The following PLCG1 variants were observed in gnomAD, a reference collection of about 807,000 sequenced individuals.
PLCG1 encodes the protein 1-phosphatidylinositol 4,5-bisphosphate phosphodiesterase gamma-1.
In PLCG1, 71 loss-of-function variants were observed where a neutral mutation model predicts 177.8. The observed-to-expected ratio is 0.40, with a 90% CI of 0.33 to 0.49. PLCG1 has a LOEUF of 0.49. PLCG1 is among the 20% of genes least tolerant of loss of function. The pLI, the probability that PLCG1 is intolerant of heterozygous loss-of-function variation, is 0.72. For missense variants in PLCG1, 1,281 were observed against 1,709.0 expected (o/e 0.75, Z 4.42); for synonymous variants, 658 against 647.9 (o/e 1.02, Z -0.24).
Position 41,137,605 on chromosome 20 carries a change from C to T in PLCG1, c.-37C>T, listed in dbSNP as rs1251389903. On this transcript the variant is annotated 5_prime_UTR_variant, in exon 1 of 32. Coordinates refer to ENST00000685551, the MANE Select transcript of PLCG1 (RefSeq NM_002660.3). The surrounding 1 kb of genome is among the most constrained non-coding windows in gnomAD (Gnocchi z 7.3). ...GCCGTTGCGCTTGCTCCCGGGCGGTCCTGGCCTGTGCCGCCGCCGCCCCCA... is the reference window on the plus strand; with the variant it reads ...GCCGTTGCGCTTGCTCCCGGGCGGTTCTGGCCTGTGCCGCCGCCGCCCCCA... The T allele has an allele frequency of 3.2e-5, 41 of 1,281,904 alleles. No individual in the cohort carries two copies. Among genetic ancestry groups the T allele is most frequent in the Non-Finnish European group, 4.1e-5 (41 of 1,003,180 alleles). 79.4% of individuals were successfully genotyped at this position (1,281,904 alleles called of 1,614,324 possible). A position where few individuals can be genotyped will look rare whatever the true frequency, so the allele number is the denominator to read the frequency against.
Position 41,174,252 on chromosome 20 carries a change from T to A in PLCG1, c.3774T>A (p.Phe1258Leu). Residue 1258 changes from phenylalanine to leucine, a missense_variant, in exon 31 of 32, where the codon TTT (phenylalanine) becomes TTA (leucine). This residue lies in a region of PLCG1 where 153 missense variants were observed against 153.2 expected (regional missense o/e 1.00). Coordinates refer to ENST00000685551, the MANE Select transcript of PLCG1 (RefSeq NM_002660.3). The surrounding 1 kb of genome is among the most constrained non-coding windows in gnomAD (Gnocchi z 5.8). The part of the protein sequence containing the change: ...GSFESRYQQP[F>L]EDFRISQEHL... ...TTGAATCCCGCTACCAGCAGCCGTT[T>A]GAGGACTTCCGCATCTCCCAGGAGC... 2 of 1,614,190 alleles carry A rather than the reference T, an allele frequency of 1.2e-6. No homozygotes were observed. The highest frequency in any genetic ancestry group is 1.7e-6 in the Non-Finnish European group (2 of 1,180,028).
chr20:41,149,944 A>AGG (rs2035114877), intron 1 of PLCG1, among the ~76,000 whole-genome samples: 1 of 152,224 alleles, frequency 6.6e-6, no homozygotes, highest in Admixed American at 6.5e-5. Context: ...CTGTAATCCC[A>AGG]GCTCTTTGGG....
rs11547263 is a variant in PLCG1, at chr20:41,162,522, C to A, written c.583C>A (p.Arg195=). Residue 195 remains arginine (R), a synonymous_variant, in exon 5 of 32, where the codon CGA becomes AGA. Transcript: ENST00000685551. ...NYRVPNMRFL[R]ERLTDLEQRS... is the part of the protein sequence containing the mutation. ...CCGGGTCCCCAACATGCGCTTCCTC[C>A]GAGAGCGGCTGACGGTAAGTGCCAC... 9 of 1,613,812 alleles carry A rather than the reference C, an allele frequency of 5.6e-6. No homozygotes were observed. The highest frequency in any genetic ancestry group is 5.3e-5 in the African/African-American group (4 of 74,870).
Position 41,164,341 on chromosome 20 carries a change from C to T in PLCG1, c.1217+140C>T. On this transcript the variant is annotated intron_variant, in intron 12 of 31. Coordinates refer to ENST00000685551, the MANE Select transcript of PLCG1 (RefSeq NM_002660.3). This position sits in a 1 kb window ranked among gnomAD's most constrained non-coding sequence, Gnocchi z 6.4. The stretch of plus-strand genomic sequence containing the variant: ...ATCTTTGTCCTTCCTCTTGGCCTCT[C>T]CTCGTCACCTGCTCCCTGCTTGAGC... 1 of 803,138 alleles carries T rather than the reference C, an allele frequency of 1.2e-6. No individual in the cohort carries two copies. Among genetic ancestry groups the T allele is most frequent in the South Asian group, 1.7e-5 (1 of 58,964 alleles). The allele number at this position is 803,138 out of a possible 1,614,324, so 49.8% of individuals were successfully genotyped here. A position where few individuals can be genotyped will look rare whatever the true frequency, so the allele number is the denominator to read the frequency against.
At position 41,164,288 on chromosome 20, in the gene PLCG1, T is replaced by TG. The variant is rs915273197; in HGVS notation, c.1217+88dup. ...ACAGAGGGCAGAAAGACTCCTCAAA[T>TG]GCCCTGTCCCCTCTCCCTCAGCCTT... On this transcript the variant is annotated intron_variant, in intron 12 of 31. Coordinates refer to ENST00000685551, the MANE Select transcript of PLCG1 (RefSeq NM_002660.3). This position sits in a 1 kb window ranked among gnomAD's most constrained non-coding sequence, Gnocchi z 6.4. The TG allele has an allele frequency of 1.3e-5, 17 of 1,346,872 alleles. No homozygotes were observed. The highest frequency in any genetic ancestry group is 1.7e-5 in the Non-Finnish European group (16 of 950,518). 83.4% of individuals were successfully genotyped at this position (1,346,872 alleles called of 1,614,324 possible). A position where few individuals can be genotyped will look rare whatever the true frequency, so the allele number is the denominator to read the frequency against.
rs763215621 is a variant in PLCG1 at position 41,173,399 on chromosome 20, C to T, written c.3280-21C>T. ...AGGGAGCAGGAAGGACAATCCCAGG[C>T]CCTTCTTTGTCTGCCTACAGGTGCT... On this transcript the variant is annotated intron_variant, in intron 27 of 31. Transcript: ENST00000685551. This position sits in a 1 kb window ranked among gnomAD's most constrained non-coding sequence, Gnocchi z 6.2. 1.2e-5 allele frequency: 19 copies of T among 1,559,230 alleles called. No individual in the cohort carries two copies. The highest frequency in any genetic ancestry group is 1.6e-5 in the Non-Finnish European group (18 of 1,151,736).
At chr20:41,152,683 G>T (rs529142824) in intron 1 of PLCG1, among the ~76,000 whole-genome samples, 1 of 152,390 alleles carries the variant, frequency 6.6e-6, no homozygotes, top group South Asian at 2.1e-4. Context: ...GGCCTCCCCA[G>T]GCCCTGGGTT....
intron 23 of PLCG1, 22 bp downstream of exon 23, chr20:41,169,548 T>C: frequency 6.3e-7 from 1 of 1,575,724 alleles, no homozygotes; most frequent in East Asian, 2.2e-5. Context: ...TCTGTTTCTC[T>C]TGCCCACTGT....
At chr20:41,154,047 T>C (rs2035245307) in intron 1 of PLCG1, among the ~76,000 whole-genome samples, 1 of 152,196 alleles carries the variant, frequency 6.6e-6, no homozygotes, top group Non-Finnish European at 1.5e-5. Flanking sequence ...TCTGTATCTC[T>C]TACCTCATTG....
At position 41,148,678 on chromosome 20, in the gene PLCG1, TTACGC is replaced by T. The variant is rs1376362286; in HGVS notation, c.217+10822_217+10826del. On this transcript the variant is annotated intron_variant, in intron 1 of 31. Coordinates refer to ENST00000685551, the MANE Select transcript of PLCG1 (RefSeq NM_002660.3). The surrounding 1 kb of genome is among the most constrained non-coding windows in gnomAD (Gnocchi z 4.3). ...GACATGGTGCAGTCTCTCAAGGAGT[TTACGC>T]TCTAGTGGAGAAAACAATCAGACAG... 3.9e-5 allele frequency among the ~76,000 whole-genome samples: 6 copies of T among 152,314 alleles called. No homozygotes were observed. The highest frequency in any genetic ancestry group is 3.9e-4 in the East Asian group (2 of 5,184).
At chr20:41,170,383 C>A in intron 24 of PLCG1, 114 bp downstream of exon 24, 1 of 1,021,016 alleles carries the variant, frequency 9.8e-7, no homozygotes, top group Non-Finnish European at 1.5e-6. Flanking sequence ...ATGGCCTATG[C>A]TAGATAGGCC....
At chr20:41,142,379 C>T (rs778561355) in intron 1 of PLCG1, among the ~76,000 whole-genome samples, 15 of 152,236 alleles carry the variant, frequency 9.9e-5, no homozygotes, top group African/African-American at 1.7e-4. Context: ...GTCCTGGAGG[C>T]GACGGGAGTC....
chr20:41,173,890 G>T lies in PLCG1; in HGVS notation c.3557-33G>T. The T allele has an allele frequency of 6.2e-7, 1 of 1,609,648 alleles. No individual in the cohort carries two copies. The highest frequency in any genetic ancestry group is 8.5e-7 in the Non-Finnish European group (1 of 1,175,960). ...GGCTGGGCCCCTTGCTCTGTCCCTCGTGGGCTGAGGGCCAGGCTTTTCCTC... is the reference window on the plus strand; with the variant it reads ...GGCTGGGCCCCTTGCTCTGTCCCTCTTGGGCTGAGGGCCAGGCTTTTCCTC... On this transcript the variant is annotated intron_variant, in intron 29 of 31. Coordinates refer to ENST00000685551, the MANE Select transcript of PLCG1 (RefSeq NM_002660.3). The surrounding 1 kb of genome is among the most constrained non-coding windows in gnomAD (Gnocchi z 6.2).
Position 41,173,752 on chromosome 20 carries a change from C to T in PLCG1, c.3495C>T (p.Asp1165=), listed in dbSNP as rs1248799988. ...TGCGCTTCGTGGTGTATGAGGAAGA[C>T]ATGTTTAGTGACCAGAATTTCCTGG... ...AFLRFVVYEE[D]MFSDQNFLAQ... Residue 1165 remains aspartate (D), a synonymous_variant, in exon 29 of 32, where the codon GAC becomes GAT. Coordinates refer to ENST00000685551, the MANE Select transcript of PLCG1 (RefSeq NM_002660.3). The surrounding 1 kb of genome is among the most constrained non-coding windows in gnomAD (Gnocchi z 6.2). 6.2e-7 allele frequency: 1 copy of T among 1,614,172 alleles called. No individual in the cohort carries two copies. Among genetic ancestry groups the T allele is most frequent in the East Asian group, 2.2e-5 (1 of 44,886 alleles).
rs746072513 is a variant in PLCG1, at chr20:41,165,747, A to G, written c.1720A>G (p.Ile574Val). Residue 574 changes from isoleucine to valine, a missense_variant, in exon 16 of 32, where the codon ATC (isoleucine) becomes GTC (valine). Transcript: ENST00000685551. This position sits in a 1 kb window ranked among gnomAD's most constrained non-coding sequence, Gnocchi z 6.6. ...IAERLLTEYCIETGAPDGSFL... is the reference protein window; with the variant it reads ...IAERLLTEYCVETGAPDGSFL... ...TGAGCGCCTGCTTACTGAGTACTGCATCGAGACCGGAGCCCCTGACGGCTC... is the reference window on the plus strand; with the variant it reads ...TGAGCGCCTGCTTACTGAGTACTGCGTCGAGACCGGAGCCCCTGACGGCTC... The G allele has an allele frequency of 1.2e-6, 2 of 1,612,766 alleles. No individual in the cohort carries two copies. The highest frequency in any genetic ancestry group is 8.5e-7 in the Non-Finnish European group (1 of 1,179,016).
rs777359820 is a variant in PLCG1 at position 41,173,432 on chromosome 20, C to T, written c.3292C>T (p.Arg1098Ter). The T allele has an allele frequency of 1.2e-6, 2 of 1,602,058 alleles. No individual in the cohort carries two copies. Among genetic ancestry groups the T allele is most frequent in the Non-Finnish European group, 1.7e-6 (2 of 1,173,358 alleles). ...TGTCTGCCTACAGGTGCTGGGGGCC[C>T]GACATCTGCCAAAGAATGGCCGAGG... is the stretch of plus-strand genomic sequence containing the variant. ...CAISIEVLGA[R>*]HLPKNGRGIV... The change falls in exon 28 of 32, where the codon CGA becomes TGA. Residue 1098 changes from arginine to a stop codon, truncating the protein, a stop_gained. Transcript: ENST00000685551. LOFTEE classifies it high-confidence loss of function. This position sits in a 1 kb window ranked among gnomAD's most constrained non-coding sequence, Gnocchi z 6.2.
Position 41,169,474 on chromosome 20 carries a change from C to A in PLCG1, c.2598C>A (p.Ser866Arg). Residue 866 changes from serine (S) to arginine (R), a missense_variant, in exon 23 of 32, where the codon AGC becomes AGA. Coordinates refer to ENST00000685551, the MANE Select transcript of PLCG1 (RefSeq NM_002660.3). ...TCCCACAGCACTTGGACGAGAACAG[C>A]CCCCTAGGGGACTTGCTGCGGGGGG... ...EPEREHLDEN[S>R]PLGDLLRGVL... 6.2e-7 allele frequency: 1 copy of A among 1,613,484 alleles called. No individual in the cohort carries two copies. The highest frequency in any genetic ancestry group is 8.5e-7 in the Non-Finnish European group (1 of 1,179,482).
rs1365876466 is a variant in PLCG1, at chr20:41,167,582, C to T, written c.2302-270C>T. 2 of 490,012 alleles carry T rather than the reference C, an allele frequency of 4.1e-6. No homozygotes were observed. Among genetic ancestry groups the T allele is most frequent in the Non-Finnish European group, 7.4e-6 (2 of 271,088 alleles). 30.4% of individuals were successfully genotyped at this position (490,012 alleles called of 1,614,324 possible). On this transcript the variant is annotated intron_variant, in intron 19 of 31. Coordinates refer to ENST00000685551, the MANE Select transcript of PLCG1 (RefSeq NM_002660.3). This position sits in a 1 kb window ranked among gnomAD's most constrained non-coding sequence, Gnocchi z 4.4. ...GTGAAGGGCCCACCTGCACATAGCTCAGAAATACTTGGGAGTTTGGGCATT... is the reference window on the plus strand; with the variant it reads ...GTGAAGGGCCCACCTGCACATAGCTTAGAAATACTTGGGAGTTTGGGCATT...
Position 41,172,296 on chromosome 20 carries a change from G to T in PLCG1, c.2905+7G>T, listed in dbSNP as rs1376576460. On this transcript the variant is annotated splice_region_variant and intron_variant, in intron 25 of 31. Transcript: ENST00000685551. The surrounding 1 kb of genome is among the most constrained non-coding windows in gnomAD (Gnocchi z 7.0). ...GTTCCCTTTGATGAAGAGAGTAAGG[G>T]CCAGGGCCCAGGCGGGGTGTGCATG... is the stretch of plus-strand genomic sequence containing the variant. 2 of 1,610,996 alleles carry T rather than the reference G, an allele frequency of 1.2e-6. No homozygotes were observed. The highest frequency in any genetic ancestry group is 1.7e-6 in the Non-Finnish European group (2 of 1,177,122).
Sources: gnomAD v4.1 joint callset for allele counts (sites outside exome capture counted in the v4.1 genomes callset) on GRCh38, gnomAD v4.1.1 for gene constraint, gnomAD v4.1.1 regional missense constraint, Gnocchi (gnomAD v3.1) non-coding constraint, MANE v1.5 for transcripts, NCBI Gene and HGNC (gene_info 2026-07-23, HGNC 2026-07-21) for gene names.